LRRC4C: variants seen among roughly 807,000 people sequenced by gnomAD.
LRRC4C encodes the protein leucine rich repeat containing 4C.
Under a neutral mutation model 33.6 loss-of-function variants are expected in LRRC4C, and 5 were observed. That is an observed-to-expected ratio of 0.15 (90% CI 0.08 to 0.31). The LOEUF (loss-of-function observed/expected upper bound fraction) is 0.31, where lower values mean the gene tolerates loss of function less well. Among genes scored for constraint, LRRC4C ranks in the 10% least tolerant of loss-of-function variants. LRRC4C has a pLI of 1.00. For synonymous variants in LRRC4C, 329 were observed against 302.0 expected, an observed-to-expected ratio of 1.09 and a Z score of -0.93; for missense variants, 560 against 796.7, an observed-to-expected ratio of 0.70 and a Z score of 3.58.
At chr11:41,373,731 G>A (rs1316825160) in intron 1 of LRRC4C, among the ~76,000 whole-genome samples, 1 of 152,054 alleles carries the variant, frequency 6.6e-6, no homozygotes, top group East Asian at 1.9e-4. Context: ...TTTGGGTTAT[G>A]AATGTATAGG....
At chr11:40,865,673 A>C (rs1954328940) in intron 2 of LRRC4C, among the ~76,000 whole-genome samples, 1 of 151,926 alleles carries the variant, frequency 6.6e-6, no homozygotes, top group Admixed American at 6.6e-5. Flanking sequence ...ATCTCTGAGG[A>C]ATGTACACAC....
intron 2 of LRRC4C, among the ~76,000 whole-genome samples, chr11:40,672,646 A>T (rs1205726302): frequency 6.6e-6 from 1 of 152,192 alleles, no homozygotes; most frequent in African/African-American, 2.4e-5. Flanking sequence ...TTTTTCAGAT[A>T]CACGAACTTC....
chr11:41,165,068 T>C (rs1944658714), intron 1 of LRRC4C, among the ~76,000 whole-genome samples: 2 of 152,186 alleles, frequency 1.3e-5, no homozygotes, highest in African/African-American at 4.8e-5. Context: ...ACGTGACGTT[T>C]TGACCTCCAC....
chr11:40,546,064 TC>T (rs1241423169), intron 3 of LRRC4C, among the ~76,000 whole-genome samples: 2 of 120,934 alleles, frequency 1.7e-5, no homozygotes, highest in Non-Finnish European at 3.2e-5. Flanking sequence ...AAGTCTTCCT[TC>T]CTTCCTTCCT....
rs761962520 is a variant in LRRC4C at position 40,797,653 on chromosome 11, T to A, written c.-407+135982A>T. 2.0e-4 allele frequency among the ~76,000 whole-genome samples: 31 copies of A among 152,250 alleles called. No individual in the cohort carries two copies. The South Asian group carries it at 2.9e-3, about 14-fold the overall frequency. On this transcript the variant is annotated intron_variant, in intron 2 of 6. Transcript: ENST00000528697. Reference sequence around the variant, plus strand: ...AAAGGGGGAATAAAAGGATCAAAAATTACCTTATACTGCTCTAAGAAGTTA... The same window carrying A: ...AAAGGGGGAATAAAAGGATCAAAAAATACCTTATACTGCTCTAAGAAGTTA...
At chr11:40,539,023 A>C (rs1054091613) in intron 3 of LRRC4C, among the ~76,000 whole-genome samples, 1 of 152,106 alleles carries the variant, frequency 6.6e-6, no homozygotes, top group African/African-American at 2.4e-5. Context: ...AGTTCATTGT[A>C]GATTCTGGAT....
chr11:40,675,720 A>G (rs1222667039), intron 2 of LRRC4C, among the ~76,000 whole-genome samples: 1 of 152,228 alleles, frequency 6.6e-6, no homozygotes, highest in African/African-American at 2.4e-5. Flanking sequence ...AACTATTTAC[A>G]GAATAACATG....
intron 3 of LRRC4C, among the ~76,000 whole-genome samples, chr11:40,418,465 T>C (rs1477386360): frequency 2.0e-5 from 3 of 152,200 alleles, no homozygotes; most frequent in Admixed American, 6.5e-5. Context: ...AAACAATAGA[T>C]GCTGGCTAGG....
At chr11:41,344,300 C>G (rs930131707) in intron 1 of LRRC4C, among the ~76,000 whole-genome samples, 1 of 146,494 alleles carries the variant, frequency 6.8e-6, no homozygotes, top group African/African-American at 2.5e-5. Context: ...AGTCTCTGCT[C>G]GCTGCAACCT....
chr11:41,151,233 C>T (rs920491938), intron 1 of LRRC4C, among the ~76,000 whole-genome samples: 2 of 152,204 alleles, frequency 1.3e-5, no homozygotes, highest in African/African-American at 4.8e-5. Flanking sequence ...CTAGTTTCTC[C>T]TCAGCTTAGT....
chr11:40,833,995 A>T (rs1254557078), intron 2 of LRRC4C, among the ~76,000 whole-genome samples: 1 of 152,134 alleles, frequency 6.6e-6, no homozygotes, highest in Non-Finnish European at 1.5e-5. Flanking sequence ...ACTTCTTTAT[A>T]AAAAATCTGT....
At chr11:40,184,446 T>C (rs1164292444) in intron 5 of LRRC4C, among the ~76,000 whole-genome samples, 1 of 152,132 alleles carries the variant, frequency 6.6e-6, no homozygotes, top group African/African-American at 2.4e-5. Flanking sequence ...ATATTTGGAT[T>C]GATAATAGAA....
chr11:40,510,594 G>A (rs559829389), intron 3 of LRRC4C, among the ~76,000 whole-genome samples: 2 of 152,192 alleles, frequency 1.3e-5, no homozygotes, highest in South Asian at 4.1e-4. Flanking sequence ...GAAAATTACA[G>A]GTTCCTCTTT....
intron 4 of LRRC4C, among the ~76,000 whole-genome samples, chr11:40,254,636 C>G (rs1296107844): frequency 6.6e-6 from 1 of 152,178 alleles, no homozygotes; most frequent in African/African-American, 2.4e-5. Context: ...ATGATATACG[C>G]ATATGAATAT....
At chr11:40,488,429 AAT>A (rs1327060297) in intron 3 of LRRC4C, among the ~76,000 whole-genome samples, 1 of 152,046 alleles carries the variant, frequency 6.6e-6, no homozygotes, top group African/African-American at 2.4e-5. Context: ...TCATGGGGGA[AAT>A]AGAGTCTTTT....
chr11:40,201,056 G>A (rs34797964), intron 5 of LRRC4C, among the ~76,000 whole-genome samples: 21,249 of 152,058 alleles, frequency 0.14, 1,595 homozygotes, highest in Non-Finnish European at 0.16. Flanking sequence ...GCATGCTCAT[G>A]TGCACATGCA....
chr11:40,741,100 C>T (rs1345637905), intron 2 of LRRC4C, among the ~76,000 whole-genome samples: 1 of 151,582 alleles, frequency 6.6e-6, no homozygotes, highest in East Asian at 1.9e-4. Flanking sequence ...CTTCTGCAGA[C>T]CTTTCTGGCT....
In LRRC4C at chr11:40,911,880, C is replaced by T. The variant is rs186264997; in HGVS notation, c.-407+21755G>A. Among the ~76,000 whole-genome samples, 4 of 152,196 alleles carry T rather than the reference C, an allele frequency of 2.6e-5. No individual in the cohort carries two copies. The East Asian group carries it at 7.7e-4, about 29-fold the overall frequency. On this transcript the variant is annotated intron_variant, in intron 2 of 6. Transcript: ENST00000528697. ...CCTGATGGAGCTGAAAACCACGGCA[C>T]AAGAACTACGTGATGAATGCACAAG...
At chr11:40,491,875 C>T (rs1349452791) in intron 3 of LRRC4C, among the ~76,000 whole-genome samples, 1 of 152,152 alleles carries the variant, frequency 6.6e-6, no homozygotes, top group African/African-American at 2.4e-5. Context: ...AGGGTGAGTA[C>T]ACCAGGAGAC....
Sources: gnomAD v4.1 joint callset for allele counts (sites outside exome capture counted in the v4.1 genomes callset) on GRCh38, gnomAD v4.1.1 for gene constraint, MANE v1.5 for transcripts, NCBI Gene and HGNC (gene_info 2026-07-23, HGNC 2026-07-21) for gene names.